The following SH3GLB1 variants were observed in gnomAD, a reference collection of about 807,000 sequenced individuals.
The protein encoded by SH3GLB1 is SH3 domain containing GRB2 like, endophilin B1.
Under a neutral mutation model 42.0 loss-of-function variants are expected in SH3GLB1, and 17 were observed. That is an observed-to-expected ratio of 0.40 (90% CI 0.28 to 0.61). The LOEUF (loss-of-function observed/expected upper bound fraction) is 0.61, where lower values mean the gene tolerates loss of function less well. SH3GLB1 is among the 20% of genes least tolerant of loss of function. The pLI, the probability that SH3GLB1 is intolerant of heterozygous loss-of-function variation, is 0.36. For synonymous variants in SH3GLB1, 132 were observed against 146.6 expected (o/e 0.90, Z 0.72); for missense variants, 355 against 426.3 (o/e 0.83, Z 1.47).
intron 2 of SH3GLB1, among the ~76,000 whole-genome samples, chr1:86,717,622 A>G (rs80159027): frequency 6.6e-6 from 1 of 151,996 alleles, no homozygotes; most frequent in Non-Finnish European, 1.5e-5. Flanking sequence ...GGGTTTCTCC[A>G]TGTTGGCCAG....
At chr1:86,726,103 G>A (rs545844684) in intron 5 of SH3GLB1, among the ~76,000 whole-genome samples, 19 of 152,142 alleles carry the variant, frequency 1.2e-4, no homozygotes, top group African/African-American at 4.3e-4. Flanking sequence ...TTTAAAGATA[G>A]AAATTTCATA....
rs12063018 is a variant in SH3GLB1 at position 86,734,938 on chromosome 1, G to A, written c.661-141G>A. Reference sequence around the variant, plus strand: ...AGTTTGCTAGTGTACTATTCACGAAGGCCAATCTTAATAAGCCTTGTAGTA... The same window carrying A: ...AGTTTGCTAGTGTACTATTCACGAAAGCCAATCTTAATAAGCCTTGTAGTA... On this transcript the variant is annotated intron_variant, in intron 6 of 8. Coordinates refer to ENST00000370558, the MANE Select transcript of SH3GLB1 (RefSeq NM_016009.5). 2.5e-3 allele frequency: 1,690 copies of A among 675,678 alleles called. 19 individuals carry two copies. The African/African-American group carries it at 0.028, about 11-fold the overall frequency. The allele number at this position is 675,678 out of a possible 1,614,324, so 41.9% of individuals were successfully genotyped here.
intron 1 of SH3GLB1, among the ~76,000 whole-genome samples, chr1:86,708,799 C>G (rs1177557181): frequency 6.6e-6 from 1 of 152,146 alleles, no homozygotes; most frequent in Non-Finnish European, 1.5e-5. Context: ...GCATTAAATA[C>G]TCCCTTACAA....
At chr1:86,710,193 C>G (rs1387103083) in intron 1 of SH3GLB1, among the ~76,000 whole-genome samples, 1 of 152,116 alleles carries the variant, frequency 6.6e-6, no homozygotes, top group Non-Finnish European at 1.5e-5. Flanking sequence ...AAAATTTACA[C>G]TTATGTACTA....
chr1:86,730,434 A>G (rs1655443568), intron 5 of SH3GLB1: 1 of 900,526 alleles, frequency 1.1e-6, no homozygotes, highest in Admixed American at 6.2e-5. Context: ...AATTTTTAAA[A>G]TGTAAAATAT....
intron 7 of SH3GLB1, among the ~76,000 whole-genome samples, chr1:86,736,420 C>T (rs1655785601): frequency 6.6e-6 from 1 of 152,064 alleles, no homozygotes; most frequent in Admixed American, 6.5e-5. Flanking sequence ...TGAATGGTAG[C>T]CTAATCATTA....
rs924214132 is a variant in SH3GLB1, at chr1:86,742,366, G to A, written c.920G>A (p.Ser307Asn). The change falls in exon 8 of 9, where the codon AGC becomes AAC. Residue 307 changes from serine to asparagine, a missense_variant. By Grantham distance (46) the Ser-to-Asn change is conservative. Coordinates refer to ENST00000370558, the MANE Select transcript of SH3GLB1 (RefSeq NM_016009.5). Reference protein sequence around the residue: ...NLSDLKECSGSRKARVLYDYD... With the variant: ...NLSDLKECSGNRKARVLYDYD... ...AGTGACCTTAAGGAGTGTAGTGGCA[G>A]CAGAAAGGCCAGGGTTCTCTATGAT... 6.2e-7 allele frequency: 1 copy of A among 1,614,012 alleles called. No individual in the cohort carries two copies. The highest frequency in any genetic ancestry group is 1.3e-5 in the African/African-American group (1 of 74,914).
intron 7 of SH3GLB1, among the ~76,000 whole-genome samples, chr1:86,735,834 T>A (rs1483785648): frequency 6.6e-6 from 1 of 152,230 alleles, no homozygotes; most frequent in African/African-American, 2.4e-5. Flanking sequence ...ACATGGTCTC[T>A]GCTCTCACAA....
intron 2 of SH3GLB1, among the ~76,000 whole-genome samples, chr1:86,717,678 TC>T (rs1654614672): frequency 6.6e-6 from 1 of 152,092 alleles, no homozygotes. Flanking sequence ...CGCCTCAGCC[TC>T]CCAAAGCGCT....
At chr1:86,717,258 T>G (rs1483214195) in intron 2 of SH3GLB1, among the ~76,000 whole-genome samples, 1 of 152,226 alleles carries the variant, frequency 6.6e-6, no homozygotes, top group Non-Finnish European at 1.5e-5. Flanking sequence ...GTAATAGACA[T>G]TTTTCCCCTT....
intron 2 of SH3GLB1, among the ~76,000 whole-genome samples, chr1:86,718,691 AGC>A (rs1654694547): frequency 6.6e-6 from 1 of 152,206 alleles, no homozygotes; most frequent in Non-Finnish European, 1.5e-5. Context: ...TGGAAACTTA[AGC>A]CATTTTTTCA....
At position 86,719,945 on chromosome 1, in the gene SH3GLB1, A is replaced by G. The variant is rs550987094; in HGVS notation, c.343+310A>G. Among the ~76,000 whole-genome samples, 46 of 150,224 alleles carry G rather than the reference A, an allele frequency of 3.1e-4. 1 individual carries two copies. Among genetic ancestry groups the G allele is most frequent in the Admixed American group, 2.7e-3 (41 of 15,024 alleles). On this transcript the variant is annotated intron_variant, in intron 3 of 8. Coordinates refer to ENST00000370558, the MANE Select transcript of SH3GLB1 (RefSeq NM_016009.5). ...TTGGACGTGGAGCTTGCAGTGAGCC[A>G]AGATCACACCACTGCACTCCAGCCT...
intron 3 of SH3GLB1, 74 bp downstream of exon 3, chr1:86,719,709 T>C (rs1654751857): frequency 7.0e-7 from 1 of 1,425,418 alleles, no homozygotes; most frequent in Non-Finnish European, 9.5e-7. Flanking sequence ...ATTAACATAT[T>C]AGTAGGCCGG....
intron 5 of SH3GLB1, among the ~76,000 whole-genome samples, chr1:86,731,958 G>A (rs1292271147): frequency 6.6e-6 from 1 of 152,082 alleles, no homozygotes; most frequent in Non-Finnish European, 1.5e-5. Flanking sequence ...CCAGCTACTT[G>A]GGAGGCTGAG....
intron 1 of SH3GLB1, among the ~76,000 whole-genome samples, chr1:86,705,387 C>T (rs1570399228): frequency 6.6e-6 from 1 of 151,442 alleles, no homozygotes; most frequent in Non-Finnish European, 1.5e-5. Context: ...CTCTCACCCT[C>T]CCCTCGGAGT....
chr1:86,736,236 AC>A (rs1485260044), intron 7 of SH3GLB1, among the ~76,000 whole-genome samples: 2 of 152,072 alleles, frequency 1.3e-5, no homozygotes, highest in Admixed American at 6.6e-5. Context: ...ATATTGAGGA[AC>A]CATTAAAGCA....
chr1:86,705,130 C>T (rs952378642), intron 1 of SH3GLB1, among the ~76,000 whole-genome samples, 159 bp downstream of exon 1: 6 of 151,972 alleles, frequency 3.9e-5, no homozygotes, highest in Non-Finnish European at 8.8e-5. Flanking sequence ...CCTCCCCGGG[C>T]CCGGCGGCGG....
chr1:86,721,423 T>C (rs1231953662), intron 3 of SH3GLB1, among the ~76,000 whole-genome samples: 1 of 152,184 alleles, frequency 6.6e-6, no homozygotes, highest in Non-Finnish European at 1.5e-5. Flanking sequence ...CTGTATCCAG[T>C]GACGGAGCTC....
At chr1:86,727,127 T>C (rs1655242277) in intron 5 of SH3GLB1, among the ~76,000 whole-genome samples, 1 of 151,986 alleles carries the variant, frequency 6.6e-6, no homozygotes, top group Admixed American at 6.6e-5. Context: ...AGTTCATAGA[T>C]AAATGATGTA....
Sources: gnomAD v4.1 joint callset for allele counts (sites outside exome capture counted in the v4.1 genomes callset) on GRCh38, gnomAD v4.1.1 for gene constraint, MANE v1.5 for transcripts, NCBI Gene and HGNC (gene_info 2026-07-23, HGNC 2026-07-21) for gene names.